Variants in HMCN2 observed in about 807,000 individuals in gnomAD.
The protein encoded by HMCN2 is hemicentin-2.
In HMCN2, 325 loss-of-function variants were observed where a neutral mutation model predicts 377.5. The ratio of observed to expected loss-of-function variants is 0.86; its 90% CI spans 0.79 to 0.94. The LOEUF (loss-of-function observed/expected upper bound fraction) is 0.94. Among genes scored for constraint, HMCN2 ranks in the 40% least tolerant of loss-of-function variants. The probability of loss-of-function intolerance (pLI) is 0.00; values close to 1 mark genes in which losing one functional copy is unlikely to be tolerated. For missense variants in HMCN2, 4,543 were observed against 4,725.3 expected (o/e 0.96, Z 1.13); for synonymous variants, 2,007 against 2,046.8 (o/e 0.98, Z 0.53).
intron 8 of HMCN2, among the ~76,000 whole-genome samples, chr9:130,300,323 A>G (rs1311510877): frequency 1.3e-5 from 2 of 152,210 alleles, no homozygotes; most frequent in Non-Finnish European, 2.9e-5. Flanking sequence ...AGTATCTACT[A>G]TGTACCAGTC....
chr9:130,383,790 G>C (rs990337109), intron 57 of HMCN2, among the ~76,000 whole-genome samples, 190 bp downstream of exon 57: 1 of 152,214 alleles, frequency 6.6e-6, no homozygotes, highest in African/African-American at 2.4e-5. Context: ...ACCCCAGGTG[G>C]TTTTAAGCAA....
At position 130,384,433 on chromosome 9, in the gene HMCN2, T is replaced by A; in HGVS notation, c.8891T>A (p.Val2964Asp). 1 of 1,303,952 alleles carries A rather than the reference T, an allele frequency of 7.7e-7. No homozygotes were observed. Among genetic ancestry groups the A allele is most frequent in the Non-Finnish European group, 1.0e-6 (1 of 988,922 alleles). 80.8% of individuals were successfully genotyped at this position (1,303,952 alleles called of 1,614,324 possible). A position where few individuals can be genotyped will look rare whatever the true frequency, so the allele number is the denominator to read the frequency against. The change falls in exon 58 of 98, where the codon GTC becomes GAC. Residue 2964 changes from valine (V) to aspartate (D), a missense_variant. By Grantham distance (152) the Val-to-Asp change is radical. Coordinates refer to ENST00000683500, the MANE Select transcript of HMCN2 (RefSeq NM_001291815.2). ...GTCACTGCCATCCTCAACAGCAGCG[T>A]CTCCCTCCCTTGCGACGTCCACGCT... ...EQVTAILNSSVSLPCDVHAHP... is the reference protein window; with the variant it reads ...EQVTAILNSSDSLPCDVHAHP...
At chr9:130,311,533 G>T (rs1307619524) in intron 15 of HMCN2, among the ~76,000 whole-genome samples, 3 of 152,184 alleles carry the variant, frequency 2.0e-5, no homozygotes, top group African/African-American at 7.2e-5. Context: ...GAGAACAGAG[G>T]ACAGGGAATG....
chr9:130,346,461 C>G (rs1794898609), intron 25 of HMCN2, among the ~76,000 whole-genome samples: 1 of 150,208 alleles, frequency 6.7e-6, no homozygotes, highest in Non-Finnish European at 1.5e-5. Context: ...ATGTGGCACT[C>G]ACGGTGGGGC....
intron 8 of HMCN2, among the ~76,000 whole-genome samples, chr9:130,301,633 A>T (rs1056156691): frequency 2.6e-5 from 4 of 152,124 alleles, no homozygotes. Context: ...GGATGGTCAG[A>T]CACCCCTCCC....
Position 130,396,076 on chromosome 9 carries a change from C to CCCCG in HMCN2, c.11053+13_11053+14insCGCC. On this transcript the variant is annotated intron_variant, in intron 72 of 97. Coordinates refer to ENST00000683500, the MANE Select transcript of HMCN2 (RefSeq NM_001291815.2). Reference sequence around the variant, plus strand: ...GCGTGGAGATCCACAGTGAGTAGGGCCCGCCCCACCCCACCCTGCCCACCT... The same window carrying CCCCG: ...GCGTGGAGATCCACAGTGAGTAGGGCCCCGCCGCCCCACCCCACCCTGCCCACCT... The CCCCG allele has an allele frequency of 1.3e-6, 1 of 741,108 alleles. No homozygotes were observed. Among genetic ancestry groups the CCCCG allele is most frequent in the Non-Finnish European group, 2.0e-6 (1 of 505,456 alleles). The allele number at this position is 741,108 out of a possible 1,614,324, so 45.9% of individuals were successfully genotyped here.
At chr9:130,321,433 C>A (rs1281254017) in intron 18 of HMCN2, among the ~76,000 whole-genome samples, 2 of 152,192 alleles carry the variant, frequency 1.3e-5, no homozygotes, top group Non-Finnish European at 2.9e-5. Flanking sequence ...CTCAGACACA[C>A]CAGGTCCCTG....
chr9:130,296,737 G>T lies in HMCN2; in HGVS notation c.955G>T (p.Gly319Cys), dbSNP rs781843763. The T allele has an allele frequency of 6.4e-6, 3 of 471,144 alleles. No individual in the cohort carries two copies. Among genetic ancestry groups the T allele is most frequent in the East Asian group, 6.9e-5 (1 of 14,396 alleles). The allele number at this position is 471,144 out of a possible 1,614,324, so 29.2% of individuals were successfully genotyped here. A position where few individuals can be genotyped will look rare whatever the true frequency, so the allele number is the denominator to read the frequency against. ...TGVSNIDFRA[G>C]FSTQPLLDLN... ...CGTCAGCAACATTGACTTCCGAGCCGGCTTCTCCACTCAGCCCTTGCTGGA... is the reference window on the plus strand; with the variant it reads ...CGTCAGCAACATTGACTTCCGAGCCTGCTTCTCCACTCAGCCCTTGCTGGA... Residue 319 changes from glycine to cysteine, a missense_variant, in exon 7 of 98, where the codon GGC becomes TGC. Around this residue, in one of 5 missense-constraint regions of HMCN2, gnomAD observed 547 missense variants for 189.9 expected, o/e 2.88. Coordinates refer to ENST00000683500, the MANE Select transcript of HMCN2 (RefSeq NM_001291815.2).
At chr9:130,391,386 C>T (rs1564846278) in intron 64 of HMCN2, 23 bp downstream of exon 64, 9 of 987,772 alleles carry the variant, frequency 9.1e-6, no homozygotes, top group Non-Finnish European at 1.1e-5. Context: ...CCATGCCCTC[C>T]CCAGAGGCGG....
In HMCN2 at chr9:130,361,970, G is replaced by T; in HGVS notation, c.5951-38G>T. ...GGGCCCTGCCTGCTTTGCCCCAGTG[G>T]GGCTCAGCCTGTACCCCATGTCACC... On this transcript the variant is annotated intron_variant, in intron 38 of 97. Coordinates refer to ENST00000683500, the MANE Select transcript of HMCN2 (RefSeq NM_001291815.2). This position sits in a 1 kb window ranked among gnomAD's most constrained non-coding sequence, Gnocchi z 4.8. 2 of 985,724 alleles carry T rather than the reference G, an allele frequency of 2.0e-6. No individual in the cohort carries two copies. The highest frequency in any genetic ancestry group is 2.4e-6 in the Non-Finnish European group (2 of 829,800). 61.1% of individuals were successfully genotyped at this position (985,724 alleles called of 1,614,324 possible).
At chr9:130,292,997 TCTAC>T (rs66620281) in intron 4 of HMCN2, among the ~76,000 whole-genome samples, 12,346 of 106,334 alleles carry the variant, frequency 0.12, 627 homozygotes, top group East Asian at 0.25. Context: ...TATCTATCTA[TCTAC>T]CTACCTACCT....
chr9:130,393,670 T>C lies in HMCN2; in HGVS notation c.10235-72T>C, dbSNP rs1369739974. The C allele has an allele frequency of 1.7e-6, 2 of 1,182,414 alleles. No individual in the cohort carries two copies. The highest frequency in any genetic ancestry group is 2.1e-6 in the Non-Finnish European group (2 of 935,854). The allele number at this position is 1,182,414 out of a possible 1,614,324, so 73.2% of individuals were successfully genotyped here. On this transcript the variant is annotated intron_variant, in intron 67 of 97. Transcript: ENST00000683500. This position sits in a 1 kb window ranked among gnomAD's most constrained non-coding sequence, Gnocchi z 5.2. ...CAGGGCGGCTTCCTGGAAGAGGTGA[T>C]GTCTAAGCTGAGTACTGGAGATGAG...
chr9:130,386,038 C>T (rs1485018649), intron 60 of HMCN2, among the ~76,000 whole-genome samples: 8 of 152,156 alleles, frequency 5.3e-5, no homozygotes, highest in Non-Finnish European at 1.2e-4. Flanking sequence ...TGGTCCGCTC[C>T]GGCTGACCAT....
chr9:130,268,491 G>A (rs1834239500), intron 1 of HMCN2, among the ~76,000 whole-genome samples: 1 of 149,166 alleles, frequency 6.7e-6, no homozygotes, highest in Admixed American at 6.7e-5. Context: ...TAGCCCTCTG[G>A]GACAGGCCAG....
At chr9:130,405,714 A>T (rs116097431) in intron 81 of HMCN2, among the ~76,000 whole-genome samples, 1,949 of 152,308 alleles carry the variant, frequency 0.013, 43 homozygotes, top group African/African-American at 0.045. Context: ...TGTTTGGTAA[A>T]CACTGGCTAT....
At chr9:130,276,911 A>G (rs1834725489) in intron 1 of HMCN2, among the ~76,000 whole-genome samples, 1 of 152,136 alleles carries the variant, frequency 6.6e-6, no homozygotes, top group Non-Finnish European at 1.5e-5. Context: ...GGATATGTGG[A>G]TCCAGGGCTG....
At chr9:130,392,871 C>G (rs943022762) in intron 66 of HMCN2, among the ~76,000 whole-genome samples, 1 of 151,944 alleles carries the variant, frequency 6.6e-6, no homozygotes. Flanking sequence ...TGGCGGGCGC[C>G]TGTAGTCCCA....
At chr9:130,391,177 C>G (rs770122010) in intron 63 of HMCN2, 27 bp from the exon 64 acceptor site, 30 of 988,054 alleles carry the variant, frequency 3.0e-5, no homozygotes, top group Non-Finnish European at 3.6e-5. Flanking sequence ...TGCCATCACC[C>G]AGGGCCTCAC....
At chr9:130,418,632 A>G (rs964969669) in intron 85 of HMCN2, 140 bp from the exon 86 acceptor site, 1 of 605,398 alleles carries the variant, frequency 1.7e-6, no homozygotes, top group Non-Finnish European at 2.6e-6. Context: ...AGGAACGATG[A>G]CTGGGTGGAA....
Sources: gnomAD v4.1 joint callset for allele counts (sites outside exome capture counted in the v4.1 genomes callset) on GRCh38, gnomAD v4.1.1 for gene constraint, gnomAD v4.1.1 regional missense constraint, Gnocchi (gnomAD v3.1) non-coding constraint, MANE v1.5 for transcripts, NCBI Gene and HGNC (gene_info 2026-07-23, HGNC 2026-07-21) for gene names.